The following ADGRL3 variants were observed in gnomAD, a reference collection of about 807,000 sequenced individuals.
ADGRL3 encodes calcium-independent alpha-latrotoxin receptor 3.
A neutral mutation model predicts 153.5 loss-of-function variants in ADGRL3; 62 were observed. The ratio of observed to expected loss-of-function variants is 0.40; its 90% confidence interval spans 0.33 to 0.50. The LOEUF is 0.50. Ranked by LOEUF, ADGRL3 falls within the 20% of genes least tolerant of loss-of-function variation. ADGRL3 has a pLI of 0.47. For synonymous variants in ADGRL3, 710 were observed against 672.5 expected, an observed-to-expected ratio of 1.06 and a Z score of -0.86; for missense variants, 1,641 against 1,859.4, an observed-to-expected ratio of 0.88 and a Z score of 2.16.
chr4:61,414,784 C>T (rs2097128112), intron 2 of ADGRL3, among the ~76,000 whole-genome samples: 1 of 151,764 alleles, frequency 6.6e-6, no homozygotes, highest in South Asian at 2.1e-4. Flanking sequence ...AAAGCTTATT[C>T]ATCTAAAGTG....
At chr4:61,901,531 T>C (rs1485033788) in intron 11 of ADGRL3, among the ~76,000 whole-genome samples, 2 of 152,234 alleles carry the variant, frequency 1.3e-5, no homozygotes, top group Non-Finnish European at 2.9e-5. Context: ...TTTAGACTTA[T>C]TTAACTTATG....
intron 2 of ADGRL3, among the ~76,000 whole-genome samples, chr4:61,480,552 G>A (rs187535209): frequency 2.0e-5 from 3 of 152,206 alleles, no homozygotes; most frequent in Non-Finnish European, 4.4e-5. Context: ...TTGGGAGGCC[G>A]AGGCAGGCAG....
intron 1 of ADGRL3, among the ~76,000 whole-genome samples, chr4:61,372,702 C>T (rs1396197274): frequency 1.3e-5 from 2 of 152,164 alleles, no homozygotes; most frequent in African/African-American, 4.8e-5. Flanking sequence ...GCCCTGCCCC[C>T]AGAGGTGGAG....
Position 61,946,947 on chromosome 4 carries a change from A to C in ADGRL3, c.2453A>C (p.Asn818Thr), listed in dbSNP as rs534811237. 3.1e-6 allele frequency: 5 copies of C among 1,613,826 alleles called. No homozygotes were observed. Among genetic ancestry groups the C allele is most frequent in the Middle Eastern group, 3.3e-4 (2 of 6,058 alleles). Reference protein sequence around the residue: ...EIRVAFVLYNNLGPYLSTENA... With the variant: ...EIRVAFVLYNTLGPYLSTENA... ...AGAGTGGCCTTTGTCCTGTATAACA[A>C]CTTGGGTCCTTATTTATCCACGGAG... The change falls in exon 16 of 27, where the codon AAC (asparagine) becomes ACC (threonine). Residue 818 changes from asparagine (N) to threonine (T), a missense_variant. Coordinates refer to ENST00000683033, the MANE Select transcript of ADGRL3 (RefSeq NM_001387552.1).
intron 6 of ADGRL3, among the ~76,000 whole-genome samples, chr4:61,694,175 CATTATT>C (rs2095592400): frequency 1.9e-5 from 1 of 51,846 alleles, no homozygotes; most frequent in Admixed American, 2.7e-4. Context: ...AAAATTTTGT[CATTATT>C]TTTTTTTTTT....
At chr4:61,973,178 A>C (rs1475658950) in intron 17 of ADGRL3, among the ~76,000 whole-genome samples, 1 of 151,968 alleles carries the variant, frequency 6.6e-6, no homozygotes, top group African/African-American at 2.4e-5. Context: ...GTTTCACATA[A>C]AGTCTTAGTG....
intron 19 of ADGRL3, among the ~76,000 whole-genome samples, chr4:61,993,711 C>A (rs2099111877): frequency 1.3e-5 from 2 of 152,058 alleles, no homozygotes; most frequent in Admixed American, 1.3e-4. Flanking sequence ...CTCTCCCTCT[C>A]TGTCGCTCTT....
intron 8 of ADGRL3, among the ~76,000 whole-genome samples, chr4:61,768,911 G>A (rs983957500): frequency 1.3e-5 from 2 of 151,734 alleles, no homozygotes; most frequent in Non-Finnish European, 2.9e-5. Context: ...GGATTGGGGT[G>A]CAGAGATAAG....
chr4:61,660,013 G>T (rs2094549443), intron 5 of ADGRL3, among the ~76,000 whole-genome samples: 4 of 151,334 alleles, frequency 2.6e-5, no homozygotes, highest in African/African-American at 9.7e-5. Flanking sequence ...AGAGGAGAAA[G>T]ATATTCAGGG....
chr4:61,698,185 C>T (rs1264285219), intron 6 of ADGRL3, among the ~76,000 whole-genome samples: 1 of 152,142 alleles, frequency 6.6e-6, no homozygotes, highest in Non-Finnish European at 1.5e-5. Flanking sequence ...GGCGTGGTGG[C>T]TCATGCCTGT....
chr4:61,428,941 C>CTATT (rs887531634), intron 2 of ADGRL3, among the ~76,000 whole-genome samples: 2 of 150,424 alleles, frequency 1.3e-5, no homozygotes, highest in African/African-American at 4.9e-5. Flanking sequence ...ATCTATCTAT[C>CTATT]TGTCATTCCA....
chr4:61,686,450 A>T (rs952084417), intron 6 of ADGRL3, among the ~76,000 whole-genome samples: 3 of 152,106 alleles, frequency 2.0e-5, no homozygotes, highest in African/African-American at 4.8e-5. Flanking sequence ...TAAAAAAATT[A>T]AATAATTGGT....
chr4:61,379,194 G>A (rs573595525), intron 1 of ADGRL3, among the ~76,000 whole-genome samples: 40 of 151,852 alleles, frequency 2.6e-4, no homozygotes, highest in Middle Eastern at 6.8e-3. Flanking sequence ...ACCTGAAGGG[G>A]GTAGTTGGAA....
chr4:61,248,388 G>C (rs558098736), intron 1 of ADGRL3, among the ~76,000 whole-genome samples: 55 of 152,216 alleles, frequency 3.6e-4, no homozygotes, highest in African/African-American at 1.3e-3. Context: ...CAACTCATCA[G>C]TGATTTTATT....
intron 21 of ADGRL3, among the ~76,000 whole-genome samples, chr4:62,023,319 T>A (rs191797805): frequency 3.9e-5 from 6 of 152,186 alleles, no homozygotes; most frequent in Non-Finnish European, 7.4e-5. Flanking sequence ...CTTCTTACAG[T>A]TGAGCAAAGA....
At chr4:61,932,915 C>T (rs2098823621) in intron 13 of ADGRL3, among the ~76,000 whole-genome samples, 4 of 152,072 alleles carry the variant, frequency 2.6e-5, no homozygotes, top group Admixed American at 6.6e-5. Context: ...CATGTTCTTT[C>T]TTAGAACATT....
chr4:61,374,225 G>GTA (rs2096576223), intron 1 of ADGRL3, among the ~76,000 whole-genome samples: 2 of 152,146 alleles, frequency 1.3e-5, no homozygotes, highest in Admixed American at 1.3e-4. Flanking sequence ...CATTTGAATA[G>GTA]TATAACTATT....
chr4:61,750,688 G>A (rs1237989052), intron 8 of ADGRL3, among the ~76,000 whole-genome samples: 2 of 151,452 alleles, frequency 1.3e-5, no homozygotes, highest in African/African-American at 4.8e-5. Context: ...TACTTGGGAG[G>A]CTGAGGCAGG....
chr4:61,664,318 C>A (rs2094708016), intron 5 of ADGRL3, among the ~76,000 whole-genome samples: 1 of 151,960 alleles, frequency 6.6e-6, no homozygotes, highest in South Asian at 2.1e-4. Flanking sequence ...TCAGATAGTC[C>A]TGAAAGAATA....
Sources: allele counts gnomAD v4.1 joint callset (sites outside exome capture counted in the v4.1 genomes callset), GRCh38; gene constraint gnomAD v4.1.1; transcripts MANE v1.5; gene names NCBI Gene and HGNC (gene_info 2026-07-23, HGNC 2026-07-21).